NF1: variants seen among roughly 807,000 people sequenced by gnomAD.
NF1 encodes neurofibromin.
A neutral mutation model predicts 325.7 loss-of-function variants in NF1; 122 were observed. The observed-to-expected ratio is 0.37, with a 90% CI of 0.32 to 0.44. The LOEUF (loss-of-function observed/expected upper bound fraction) is 0.44. Ranked by LOEUF, NF1 falls within the 20% of genes least tolerant of loss-of-function variation. The probability of loss-of-function intolerance (pLI) is 1.00; values close to 1 mark genes in which losing one functional copy is unlikely to be tolerated. For synonymous variants in NF1, 1,091 were observed against 1,186.0 expected, an observed-to-expected ratio of 0.92 and a Z score of 1.65; for missense variants, 2,140 against 3,415.4, an observed-to-expected ratio of 0.63 and a Z score of 9.31.
intron 31 of NF1, chr17:31,257,560 G>C (rs566204730): frequency 6.6e-6 from 1 of 152,126 alleles, no homozygotes; most frequent in South Asian, 2.1e-4. Context: ...TTTAAATATT[G>C]GGTTCACATT....
intron 31 of NF1, among the ~76,000 whole-genome samples, chr17:31,255,084 A>G (rs1323645947): frequency 6.6e-6 from 1 of 152,212 alleles, no homozygotes; most frequent in Non-Finnish European, 1.5e-5. Context: ...ACTGTTTATT[A>G]TTCTCAAATA....
chr17:31,135,435 T>C (rs1915694235), intron 1 of NF1, among the ~76,000 whole-genome samples: 1 of 152,206 alleles, frequency 6.6e-6, no homozygotes, highest in Non-Finnish European at 1.5e-5. Context: ...TTGTCTCTTA[T>C]AAACAGTTCA....
At position 31,273,314 on chromosome 17, in the gene NF1, T is replaced by TAAC. The variant is rs372009736; in HGVS notation, c.4835+7993_4835+7995dup. Among the ~76,000 whole-genome samples the TAAC allele has an allele frequency of 9.8e-3, 1,486 of 152,154 alleles. 24 individuals carry two copies. Among genetic ancestry groups the TAAC allele is most frequent in the African/African-American group, 0.033 (1,375 of 41,500 alleles). ...AGTGCTGGGATGAGGTTTTCTTCAT[T>TAAC]AACAACAACAACAACAACAATAACA... On this transcript the variant is annotated intron_variant, in intron 36 of 57. Transcript: ENST00000358273.
intron 4 of NF1, among the ~76,000 whole-genome samples, chr17:31,168,205 C>T (rs575948040): frequency 2.6e-5 from 4 of 152,282 alleles, no homozygotes; most frequent in African/African-American, 7.2e-5. Context: ...CCATGCATCT[C>T]TTACTCTGCT....
chr17:31,236,271 C>CTGTT (rs1344509974), intron 29 of NF1, among the ~76,000 whole-genome samples: 2 of 152,144 alleles, frequency 1.3e-5, no homozygotes, highest in East Asian at 3.9e-4. Context: ...CCTCCAGAGA[C>CTGTT]TGTTACTAGT....
rs2151561523 is a variant in NF1, at chr17:31,340,524, C to A, written c.6941C>A (p.Ala2314Asp). ...LLNKDSPLHK[A>D]LFWVAVAVLQ... Reference sequence around the variant, plus strand: ...TGCCAGGACTCGCCTCTGCACAAAGCCCTCTTTTGGGTAGCTGTGGCTGTG... The same window carrying A: ...TGCCAGGACTCGCCTCTGCACAAAGACCTCTTTTGGGTAGCTGTGGCTGTG... The change falls in exon 47 of 58, where the codon GCC becomes GAC. Residue 2314 changes from alanine to aspartate, a missense_variant. Physicochemically the swap from Ala to Asp is moderately radical, Grantham distance 126. Coordinates refer to ENST00000358273, the MANE Select transcript of NF1 (RefSeq NM_001042492.3). 6.2e-7 allele frequency: 1 copy of A among 1,614,164 alleles called. No individual in the cohort carries two copies. Among genetic ancestry groups the A allele is most frequent in the Non-Finnish European group, 8.5e-7 (1 of 1,180,012 alleles).
At chr17:31,308,015 C>A in intron 36 of NF1, 1 of 910,654 alleles carries the variant, frequency 1.1e-6, no homozygotes. Flanking sequence ...ATAATTCAAG[C>A]CTGAATTTTA....
intron 36 of NF1, among the ~76,000 whole-genome samples, chr17:31,283,427 AC>A (rs200703821): frequency 0.018 from 2,679 of 146,050 alleles, 88 homozygotes; most frequent in African/African-American, 0.064. Flanking sequence ...AAAAAAACAA[AC>A]AAAAAAAAAC....
At chr17:31,139,043 T>C (rs1167458175) in intron 1 of NF1, among the ~76,000 whole-genome samples, 1 of 152,078 alleles carries the variant, frequency 6.6e-6, no homozygotes, top group Non-Finnish European at 1.5e-5. Flanking sequence ...ACTTTAAATA[T>C]CTAAGTTTTG....
intron 36 of NF1, among the ~76,000 whole-genome samples, chr17:31,288,851 T>G (rs756564271): frequency 6.6e-6 from 1 of 152,140 alleles, no homozygotes; most frequent in Non-Finnish European, 1.5e-5. Context: ...CTTATATGAC[T>G]AGTAGTAGCC....
intron 1 of NF1, among the ~76,000 whole-genome samples, chr17:31,155,337 A>T (rs1364017316): frequency 6.6e-6 from 1 of 152,136 alleles, no homozygotes; most frequent in Non-Finnish European, 1.5e-5. Context: ...TGGTCTTCTC[A>T]TAGAATATTT....
chr17:31,251,622 C>T (rs1357379855), intron 30 of NF1: 2 of 198,468 alleles, frequency 1.0e-5, no homozygotes, highest in African/African-American at 4.6e-5. Context: ...CTAAATAAAT[C>T]TCACCCTTTT....
Position 31,265,334 on chromosome 17 carries a change from A to G in NF1, c.4830A>G (p.Ala1610=), listed in dbSNP as rs552732964. 3.7e-6 allele frequency: 6 copies of G among 1,607,614 alleles called. No individual in the cohort carries two copies. In the South Asian group the frequency reaches 5.5e-5, roughly 15 times the overall value. Reference sequence around the variant, plus strand: ...GGAATCCTATTTTTTATTATGTTGCACGGAGGTAAGAAATACTATGTTTTG... The same window carrying G: ...GGAATCCTATTTTTTATTATGTTGCGCGGAGGTAAGAAATACTATGTTTTG... ...KAGNPIFYYV[A]RRFKTGQING... The change falls in exon 36 of 58, where the codon GCA becomes GCG. Residue 1610 remains alanine, a synonymous_variant. Coordinates refer to ENST00000358273, the MANE Select transcript of NF1 (RefSeq NM_001042492.3).
At chr17:31,221,328 C>G (rs1389943541) in intron 14 of NF1, among the ~76,000 whole-genome samples, 1 of 152,082 alleles carries the variant, frequency 6.6e-6, no homozygotes, top group East Asian at 1.9e-4. Flanking sequence ...AATGGATAAT[C>G]TGCTATGAAA....
chr17:31,135,240 A>T (rs905668822), intron 1 of NF1, among the ~76,000 whole-genome samples: 2 of 152,136 alleles, frequency 1.3e-5, no homozygotes, highest in Non-Finnish European at 1.5e-5. Context: ...TGTGTGTGTT[A>T]TTAGGTGCAT....
intron 57 of NF1, among the ~76,000 whole-genome samples, chr17:31,372,732 G>T (rs1050870024): frequency 6.6e-6 from 1 of 152,070 alleles, no homozygotes; most frequent in Non-Finnish European, 1.5e-5. Flanking sequence ...AATATTAATT[G>T]GGGTGGGGTG....
intron 36 of NF1, among the ~76,000 whole-genome samples, chr17:31,289,219 C>G (rs115618137): frequency 1.3e-5 from 2 of 152,198 alleles, no homozygotes; most frequent in African/African-American, 4.8e-5. Context: ...GACTAAGGGA[C>G]AGAGGATATT....
At chr17:31,159,391 T>A (rs898122197) in intron 3 of NF1, among the ~76,000 whole-genome samples, 2 of 152,210 alleles carry the variant, frequency 1.3e-5, no homozygotes, top group Non-Finnish European at 2.9e-5. Flanking sequence ...ACTATTTGAT[T>A]TAACGGATCT....
chr17:31,288,991 T>C (rs1280253307), intron 36 of NF1, among the ~76,000 whole-genome samples: 1 of 152,228 alleles, frequency 6.6e-6, no homozygotes, highest in Admixed American at 6.5e-5. Flanking sequence ...ACTTGGTCTG[T>C]CCTAAGTAGG....
Sources: gnomAD v4.1 joint callset for allele counts (sites outside exome capture counted in the v4.1 genomes callset) on GRCh38, gnomAD v4.1.1 for gene constraint, MANE v1.5 for transcripts, NCBI Gene and HGNC (gene_info 2026-07-23, HGNC 2026-07-21) for gene names.